The following DDX11 variants were observed in gnomAD, a reference collection of about 807,000 sequenced individuals.
DDX11 encodes ATP-dependent DNA helicase DDX11.
Under a neutral mutation model 125.2 loss-of-function variants are expected in DDX11, and 72 were observed. That is an observed-to-expected ratio of 0.58 (90% CI 0.48 to 0.70). The LOEUF is 0.70. DDX11 is among the 30% of genes least tolerant of loss of function. DDX11 has a pLI of 0.00. For synonymous variants in DDX11, 347 were observed against 452.6 expected (o/e 0.77, Z 2.96); for missense variants, 883 against 1,165.0 (o/e 0.76, Z 3.52).
chr12:31,097,880 T>G lies in DDX11; in HGVS notation c.1763-5T>G. On this transcript the variant is annotated splice_polypyrimidine_tract_variant and splice_region_variant and intron_variant, in intron 17 of 26. Transcript: ENST00000542838. Reference sequence around the variant, plus strand: ...CACTCACCTCCCACCGATCTGTTTTTCCAGGCAGCCTCAGTCAGAGCACCC... The same window carrying G: ...CACTCACCTCCCACCGATCTGTTTTGCCAGGCAGCCTCAGTCAGAGCACCC... 6.2e-7 allele frequency: 1 copy of G among 1,609,950 alleles called. No individual in the cohort carries two copies. Among genetic ancestry groups the G allele is most frequent in the Non-Finnish European group, 8.5e-7 (1 of 1,177,156 alleles).
intron 3 of DDX11, among the ~76,000 whole-genome samples, 177 bp from the exon 4 acceptor site, chr12:31,084,406 G>A (rs1482311940): frequency 2.0e-5 from 3 of 152,238 alleles, no homozygotes; most frequent in South Asian, 2.1e-4. Flanking sequence ...AGTGAGCAGC[G>A]AGGCTGGGAC....
At chr12:31,082,660 G>GC (rs1942200882) in intron 2 of DDX11, among the ~76,000 whole-genome samples, 2 of 152,028 alleles carry the variant, frequency 1.3e-5, no homozygotes, top group South Asian at 4.2e-4. Flanking sequence ...GGACACCAGG[G>GC]CCGCCTCCTT....
intron 23 of DDX11, 25 bp downstream of exon 23, chr12:31,102,552 C>T (rs1946577020): frequency 1.2e-5 from 20 of 1,607,306 alleles, no homozygotes; most frequent in Non-Finnish European, 1.7e-5. Context: ...TGCTCGTCTC[C>T]TGGGCCGTGA....
chr12:31,099,854 T>C (rs1946069447), intron 18 of DDX11, among the ~76,000 whole-genome samples: 1 of 152,054 alleles, frequency 6.6e-6, no homozygotes, highest in Non-Finnish European at 1.5e-5. Context: ...CCCACCCCCA[T>C]AGGGAATCCG....
chr12:31,082,528 G>A (rs977117738), intron 2 of DDX11, among the ~76,000 whole-genome samples: 2 of 152,108 alleles, frequency 1.3e-5, no homozygotes, highest in African/African-American at 4.8e-5. Flanking sequence ...GTCATACGAG[G>A]TGTTTCACCC....
At chr12:31,077,675 G>T (rs1325442099) in intron 1 of DDX11, among the ~76,000 whole-genome samples, 1 of 151,772 alleles carries the variant, frequency 6.6e-6, no homozygotes, top group Admixed American at 6.6e-5. Flanking sequence ...GTGAAACCCC[G>T]TCTCTACCAA....
At position 31,096,673 on chromosome 12, in the gene DDX11, T is replaced by G. The variant is rs2140921865; in HGVS notation, c.1558T>G (p.Ser520Ala). The G allele has an allele frequency of 6.2e-7, 1 of 1,613,994 alleles. No homozygotes were observed. The highest frequency in any genetic ancestry group is 1.3e-5 in the African/African-American group (1 of 75,046). The change falls in exon 16 of 27, where the codon TCA becomes GCA. Residue 520 changes from serine to alanine, a missense_variant. Ser to Ala is a moderately conservative substitution (Grantham distance 99, BLOSUM62 1). Transcript: ENST00000542838. ...CACTGAACGGTACGGAGCAGTGTTC[T>G]CATCCCGGGAGCAGCCCAAACTGGC... ...GFTERYGAVF[S>A]SREQPKLAGF...
Position 31,101,851 on chromosome 12 carries a change from A to G in DDX11, c.2071A>G (p.Ile691Val), listed in dbSNP as rs763777819. Residue 691 changes from isoleucine to valine, a missense_variant, in exon 21 of 27, where the codon ATT becomes GTT. Ile to Val is a conservative substitution (Grantham distance 29, BLOSUM62 3). Coordinates refer to ENST00000542838, the MANE Select transcript of DDX11 (RefSeq NM_030653.4). ...LPQMMDEVGRILCNLCGVVPG... is the reference protein window; with the variant it reads ...LPQMMDEVGRVLCNLCGVVPG... ...TCCTTAGATGGACGAGGTGGGTCGC[A>G]TTCTCTGTAACCTGTGCGGTGTGGT... is the stretch of plus-strand genomic sequence containing the variant. 1.2e-6 allele frequency: 2 copies of G among 1,613,910 alleles called. No individual in the cohort carries two copies. The highest frequency in any genetic ancestry group is 1.7e-5 in the Admixed American group (1 of 60,020).
intron 2 of DDX11, among the ~76,000 whole-genome samples, chr12:31,081,167 G>A (rs1941851471): frequency 6.6e-6 from 1 of 152,192 alleles, no homozygotes. Context: ...CGATGTTTCT[G>A]GTTCTATAGC....
rs190824758 is a variant in DDX11, at chr12:31,089,240, G to C, written c.792+89G>C. The stretch of plus-strand genomic sequence containing the variant: ...CTCGTCCAGGCCTTGGGAGACGCTG[G>C]GTCTGTGACAGGCTGAACCGTGTGA... On this transcript the variant is annotated intron_variant, in intron 7 of 26. Transcript: ENST00000542838. 816 of 1,399,216 alleles carry C rather than the reference G, an allele frequency of 5.8e-4. No homozygotes were observed. The African/African-American group carries it at 0.011, about 18-fold the overall frequency. 86.7% of individuals were successfully genotyped at this position (1,399,216 alleles called of 1,614,324 possible). A position where few individuals can be genotyped will look rare whatever the true frequency, so the allele number is the denominator to read the frequency against.
At position 31,100,530 on chromosome 12, in the gene DDX11, T is replaced by G. The variant is rs569564824; in HGVS notation, c.1876-105T>G. 2.9e-4 allele frequency: 299 copies of G among 1,016,768 alleles called. 1 individual carries two copies. The South Asian group carries it at 4.7e-3, about 16-fold the overall frequency. 63.0% of individuals were successfully genotyped at this position (1,016,768 alleles called of 1,614,324 possible). A position where few individuals can be genotyped will look rare whatever the true frequency, so the allele number is the denominator to read the frequency against. On this transcript the variant is annotated intron_variant, in intron 18 of 26. Transcript: ENST00000542838. ...ATCAGCCTTTTCTTTGACCTCTTCT[T>G]TCAGTTTGTGTGTACTTGCTGTCTC...
At position 31,087,902 on chromosome 12, in the gene DDX11, G is replaced by A. The variant is rs557971817; in HGVS notation, c.639-36G>A. The stretch of plus-strand genomic sequence containing the variant: ...CAGTGCGTTTTGCTGAGTTTGCTGA[G>A]GGAAGACTGTTTTCTGTTCTCTCTC... On this transcript the variant is annotated intron_variant, in intron 5 of 26. Transcript: ENST00000542838. 12 of 1,600,916 alleles carry A rather than the reference G, an allele frequency of 7.5e-6. No homozygotes were observed. The African/African-American group carries it at 1.1e-4, about 14-fold the overall frequency.
At position 31,085,199 on chromosome 12, in the gene DDX11, C is replaced by A. The variant is rs545584954; in HGVS notation, c.638+73C>A. 2.2e-3 allele frequency: 3,252 copies of A among 1,504,106 alleles called. 3 individuals carry two copies. The highest frequency in any genetic ancestry group is 2.2e-3 in the Non-Finnish European group (2,413 of 1,106,252). 93.2% of individuals were successfully genotyped at this position (1,504,106 alleles called of 1,614,324 possible). ...CTTGAAGACAGCTCTTTCCCTCATG[C>A]CACAGATGCCATGAAGCACCTGGCA... On this transcript the variant is annotated intron_variant, in intron 5 of 26. Transcript: ENST00000542838.
At chr12:31,102,124 C>T (rs1222312636) in intron 21 of DDX11, 119 bp from the exon 22 acceptor site, 6 of 1,255,470 alleles carry the variant, frequency 4.8e-6, no homozygotes, top group Non-Finnish European at 6.8e-6. Flanking sequence ...GAGGATTTCC[C>T]CCAAAGTCCC....
At chr12:31,086,265 G>A (rs973258382) in intron 5 of DDX11, 6 of 427,262 alleles carry the variant, frequency 1.4e-5, no homozygotes, top group Non-Finnish European at 2.3e-5. Flanking sequence ...TCATGCACCT[G>A]CTTGTGCTTC....
chr12:31,093,152 T>G, intron 11 of DDX11, 93 bp from the exon 12 acceptor site: 1 of 1,368,302 alleles, frequency 7.3e-7, no homozygotes, highest in South Asian at 1.3e-5. Flanking sequence ...TGACCCAGTT[T>G]GAGAGGCACC....
intron 2 of DDX11, among the ~76,000 whole-genome samples, chr12:31,078,778 C>T (rs572074551): frequency 1.3e-5 from 2 of 151,784 alleles, no homozygotes; most frequent in Admixed American, 1.3e-4. Flanking sequence ...AGCTCCGCCT[C>T]CCGGGTTCAC....
Position 31,096,698 on chromosome 12 carries a change from C to T in DDX11, c.1583C>T (p.Ala528Val). The change falls in exon 16 of 27, where the codon GCT becomes GTT. Residue 528 changes from alanine to valine, a missense_variant. Around this residue, in one of 5 missense-constraint regions of DDX11, gnomAD observed 241 missense variants for 279.7 expected, o/e 0.86. Coordinates refer to ENST00000542838, the MANE Select transcript of DDX11 (RefSeq NM_030653.4). The stretch of plus-strand genomic sequence containing the variant: ...TCATCCCGGGAGCAGCCCAAACTGG[C>T]TGGGTTTCAGCAATTCCTGCAGAGC... ...VFSSREQPKLAGFQQFLQSLQ... is the reference protein window; with the variant it reads ...VFSSREQPKLVGFQQFLQSLQ... The T allele has an allele frequency of 6.2e-7, 1 of 1,614,136 alleles. No individual in the cohort carries two copies. The highest frequency in any genetic ancestry group is 8.5e-7 in the Non-Finnish European group (1 of 1,180,020).
At position 31,096,868 on chromosome 12, in the gene DDX11, C is replaced by T; in HGVS notation, c.1640C>T (p.Ala547Val). The part of the protein sequence containing the change: ...LQPRTTEALA[A>V]PADESQASTL... ...GTTCTGCTCTGTGCAGCTCTTGCAG[C>T]CCCTGCAGACGAGAGTCAGGCCAGC... The change falls in exon 17 of 27, where the codon GCC (alanine) becomes GTC (valine). Residue 547 changes from alanine (A) to valine (V), a missense_variant. By Grantham distance (64) the Ala-to-Val change is moderately conservative. Transcript: ENST00000542838. 6.2e-7 allele frequency: 1 copy of T among 1,614,180 alleles called. No individual in the cohort carries two copies. Among genetic ancestry groups the T allele is most frequent in the Non-Finnish European group, 8.5e-7 (1 of 1,180,028 alleles).
Sources: gnomAD v4.1 joint callset for allele counts (sites outside exome capture counted in the v4.1 genomes callset) on GRCh38, gnomAD v4.1.1 for gene constraint, gnomAD v4.1.1 regional missense constraint, MANE v1.5 for transcripts, NCBI Gene and HGNC (gene_info 2026-07-23, HGNC 2026-07-21) for gene names.